The following TSKS variants were observed in gnomAD, a reference collection of about 807,000 sequenced individuals.
TSKS encodes testis specific serine kinase substrate.
Under a neutral mutation model 68.0 loss-of-function variants are expected in TSKS, and 27 were observed. The ratio of observed to expected loss-of-function variants is 0.40; its 90% CI spans 0.29 to 0.55. The LOEUF is 0.55. Ranked by LOEUF, TSKS falls within the 20% of genes least tolerant of loss-of-function variation. The pLI, the probability that TSKS is intolerant of heterozygous loss-of-function variation, is 0.53. For missense variants in TSKS, 806 were observed against 776.0 expected, an observed-to-expected ratio of 1.04 and a Z score of -0.46; for synonymous variants, 331 against 340.4, an observed-to-expected ratio of 0.97 and a Z score of 0.30.
At chr19:49,752,165 C>T (rs1485672241) in intron 2 of TSKS, among the ~76,000 whole-genome samples, 1 of 152,136 alleles carries the variant, frequency 6.6e-6, no homozygotes, top group Non-Finnish European at 1.5e-5. Flanking sequence ...GGGCAGATCA[C>T]CTGAGGTCAG....
At chr19:49,744,103 CA>C in intron 8 of TSKS, 127 bp downstream of exon 8, 1 of 952,984 alleles carries the variant, frequency 1.0e-6, no homozygotes, top group African/African-American at 1.6e-5. Flanking sequence ...GCTGTTTCTA[CA>C]ATGCACTGGG....
At position 49,760,702 on chromosome 19, in the gene TSKS, A is replaced by T. The variant is rs186949083; in HGVS notation, c.399+1302T>A. Among the ~76,000 whole-genome samples the T allele has an allele frequency of 2.0e-5, 3 of 151,816 alleles. No homozygotes were observed. In the East Asian group the frequency reaches 5.8e-4, roughly 29 times the overall value. ...CTACTCAGAAGGCTGAGATGGGAGG[A>T]TCCTTTGAACCCAGGAGTTCGAGGC... On this transcript the variant is annotated intron_variant, in intron 2 of 10. Transcript: ENST00000246801.
chr19:49,748,103 C>T lies in TSKS; in HGVS notation c.561G>A (p.Gly187=). 3 of 1,614,118 alleles carry T rather than the reference C, an allele frequency of 1.9e-6. No homozygotes were observed. Among genetic ancestry groups the T allele is most frequent in the South Asian group, 2.2e-5 (2 of 91,088 alleles). ...RRRQEAEELE[G]YCIQLKENCW... is the part of the protein sequence containing the mutation. ...GGCTCACCTTGAGTTGAATGCAGTA[C>T]CCCTCCAACTCTTCTGCCTCTTGCC... The change falls in exon 4 of 11, where the codon GGG becomes GGA. Residue 187 remains glycine, a synonymous_variant. Transcript: ENST00000246801.
At chr19:49,756,010 G>T (rs2084389730) in intron 2 of TSKS, among the ~76,000 whole-genome samples, 1 of 151,844 alleles carries the variant, frequency 6.6e-6, no homozygotes, top group African/African-American at 2.4e-5. Flanking sequence ...CAAAAAAAAA[G>T]AAAAGAAAGA....
chr19:49,751,712 A>G (rs1381660983), intron 2 of TSKS, among the ~76,000 whole-genome samples: 1 of 152,096 alleles, frequency 6.6e-6, no homozygotes, highest in Non-Finnish European at 1.5e-5. Context: ...CCGTGAAAGC[A>G]TCTCTGATAG....
chr19:49,761,665 GA>G (rs1397222241), intron 2 of TSKS, among the ~76,000 whole-genome samples: 1 of 152,116 alleles, frequency 6.6e-6, no homozygotes, highest in Non-Finnish European at 1.5e-5. Context: ...GTGACTGTGT[GA>G]ACTGAAGACC....
intron 9 of TSKS, among the ~76,000 whole-genome samples, 155 bp downstream of exon 9, chr19:49,741,730 T>C (rs548447106): frequency 1.3e-5 from 2 of 152,248 alleles, no homozygotes; most frequent in South Asian, 4.1e-4. Context: ...CATCTCCCCA[T>C]GCATTAGGGC....
chr19:49,762,791 A>G (rs1417978878), intron 1 of TSKS, among the ~76,000 whole-genome samples: 1 of 150,730 alleles, frequency 6.6e-6, no homozygotes, highest in African/African-American at 2.4e-5. Context: ...TCTGCCACCT[A>G]CTTTCTTCTT....
chr19:49,742,745 A>C lies in TSKS; in HGVS notation c.1362-725T>G, dbSNP rs148582380. On this transcript the variant is annotated intron_variant, in intron 8 of 10. Coordinates refer to ENST00000246801, the MANE Select transcript of TSKS (RefSeq NM_021733.2). ...ACTCCTGACCTCCGGTGATCCTCCC[A>C]CTTGGCCTCCCAAAGTGCTGGGATT... 4.1e-3 allele frequency among the ~76,000 whole-genome samples: 605 copies of C among 147,082 alleles called. 6 individuals are homozygous for C. Among genetic ancestry groups the C allele is most frequent in the African/African-American group, 0.014 (568 of 39,786 alleles).
chr19:49,739,874 G>T lies in TSKS; in HGVS notation c.1681C>A (p.Leu561Ile). The change falls in exon 11 of 11, where the codon CTC (leucine) becomes ATC (isoleucine). Residue 561 changes from leucine (L) to isoleucine (I), a missense_variant. Transcript: ENST00000246801. The stretch of plus-strand genomic sequence containing the variant: ...GACCCCTCAAGTGGCAGGTTGCTGA[G>T]ATGATCGTGGAGGGAGCACATCTTC... The part of the protein sequence containing the change: ...HLKMCSLHDH[L>I]SNLPLEGSTG... 1 of 1,614,150 alleles carries T rather than the reference G, an allele frequency of 6.2e-7. No individual in the cohort carries two copies.
chr19:49,739,816 C>T lies in TSKS; in HGVS notation c.1739G>A (p.Gly580Glu), dbSNP rs201058983. 3.7e-5 allele frequency: 59 copies of T among 1,598,648 alleles called. No individual in the cohort carries two copies. The highest frequency in any genetic ancestry group is 4.9e-5 in the Non-Finnish European group (57 of 1,166,374). ...TGAGCCCCCCTGTTTTGGGGGGGTT[C>T]CTGCACTGCTGCCTCCCCCCATTGT... is the stretch of plus-strand genomic sequence containing the variant. Reference protein sequence around the residue: ...TGTMGGGSSAGTPPKQGGSAP... With the variant: ...TGTMGGGSSAETPPKQGGSAP... The change falls in exon 11 of 11, where the codon GGA (glycine) becomes GAA (glutamate). Residue 580 changes from glycine to glutamate, a missense_variant. By Grantham distance (98) the Gly-to-Glu change is moderately conservative (BLOSUM62 -2). Transcript: ENST00000246801.
rs144568545 is a variant in TSKS at position 49,750,442 on chromosome 19, A to G, written c.400-1973T>C. 3.3e-3 allele frequency among the ~76,000 whole-genome samples: 507 copies of G among 152,158 alleles called. 6 individuals carry two copies. Among genetic ancestry groups the G allele is most frequent in the East Asian group, 0.031 (160 of 5,176 alleles). On this transcript the variant is annotated intron_variant, in intron 2 of 10. Coordinates refer to ENST00000246801, the MANE Select transcript of TSKS (RefSeq NM_021733.2). ...CCAGGCTAATTTTTTGTATTTTAGT[A>G]GAGACAGGGTTTCACCATGTTGGCC...
rs138461626 is a variant in TSKS, at chr19:49,756,316, G to C, written c.399+5688C>G. Reference sequence around the variant, plus strand: ...CTACCAAAAAATTTAAAAATTATCTGGGTACAGTGGCATGTGCTTGTGGTC... The same window carrying C: ...CTACCAAAAAATTTAAAAATTATCTCGGTACAGTGGCATGTGCTTGTGGTC... On this transcript the variant is annotated intron_variant, in intron 2 of 10. Coordinates refer to ENST00000246801, the MANE Select transcript of TSKS (RefSeq NM_021733.2). 2.4e-3 allele frequency among the ~76,000 whole-genome samples: 361 copies of C among 152,096 alleles called. 3 individuals are homozygous for C. Among genetic ancestry groups the C allele is most frequent in the African/African-American group, 8.3e-3 (344 of 41,504 alleles).
chr19:49,763,206 C>A lies in TSKS; in HGVS notation c.42G>T (p.Glu14Asp). The A allele has an allele frequency of 6.4e-7, 1 of 1,551,988 alleles. No homozygotes were observed. The change falls in exon 1 of 11, where the codon GAG becomes GAT. Residue 14 changes from glutamate to aspartate, a missense_variant. By Grantham distance (45) the Glu-to-Asp change is conservative (BLOSUM62 2). Coordinates refer to ENST00000246801, the MANE Select transcript of TSKS (RefSeq NM_021733.2). This position sits in a 1 kb window ranked among gnomAD's most constrained non-coding sequence, Gnocchi z 4.5. ...TGGGGGTGTCCCCGGCCTCATGGAT[C>A]TCTTTGGACTGCCAGATCGTCTTCA... ...VVVKTIWQSK[E>D]IHEAGDTPTG...
At chr19:49,749,076 G>A (rs2084327295) in intron 2 of TSKS, among the ~76,000 whole-genome samples, 2 of 151,910 alleles carry the variant, frequency 1.3e-5, no homozygotes, top group East Asian at 2.0e-4. Context: ...AAAAAAAAAA[G>A]TCCTTGGGGT....
rs7259712 is a variant in TSKS at position 49,745,181 on chromosome 19, T to C, written c.1187+21A>G. 8,087 of 1,556,710 alleles carry C rather than the reference T, an allele frequency of 5.2e-3. 395 individuals are homozygous for C. In the African/African-American group the frequency reaches 0.099, roughly 19 times the overall value. ...TGCCCTGCCCCTTCCGGTCTTCCCA[T>C]GCACTGGCCCCAATCCTCACATGGT... On this transcript the variant is annotated intron_variant, in intron 7 of 10. Transcript: ENST00000246801.
chr19:49,755,206 A>G (rs1210886071), intron 2 of TSKS, among the ~76,000 whole-genome samples: 1 of 152,224 alleles, frequency 6.6e-6, no homozygotes, highest in Non-Finnish European at 1.5e-5. Context: ...CTCAACTTTG[A>G]TTATCCAGCC....
At chr19:49,748,037 TA>T (rs2084317318) in intron 4 of TSKS, 47 bp downstream of exon 4, 24 of 1,566,430 alleles carry the variant, frequency 1.5e-5, no homozygotes, top group Non-Finnish European at 2.1e-5. Context: ...ACCCTCTTCT[TA>T]CTCCCATTCC....
At chr19:49,749,628 G>GGT (rs200957864) in intron 2 of TSKS, among the ~76,000 whole-genome samples, 4 of 151,840 alleles carry the variant, frequency 2.6e-5, no homozygotes, top group African/African-American at 7.3e-5. Context: ...TTTTGGGGGA[G>GGT]GTGTGTGTGT....
Sources: gnomAD v4.1 joint callset for allele counts (sites outside exome capture counted in the v4.1 genomes callset) on GRCh38, gnomAD v4.1.1 for gene constraint, Gnocchi (gnomAD v3.1) non-coding constraint, MANE v1.5 for transcripts, NCBI Gene and HGNC (gene_info 2026-07-23, HGNC 2026-07-21) for gene names.